CGGBP1: variants seen among roughly 807,000 people sequenced by gnomAD.
CGGBP1 encodes the protein CGG triplet repeat-binding protein 1.
In CGGBP1, 4 loss-of-function variants were observed where a neutral mutation model predicts 11.4. That is an observed-to-expected ratio of 0.35 (90% CI 0.17 to 0.80). The LOEUF is 0.80. Among genes scored for constraint, CGGBP1 ranks in the 30% least tolerant of loss-of-function variants. CGGBP1 has a pLI of 0.52. For missense variants in CGGBP1, 135 were observed against 202.1 expected (o/e 0.67, Z 2.01); for synonymous variants, 76 against 74.1 (o/e 1.03, Z -0.13).
chr3:88,059,597 C>T (rs749789483), upstream of CGGBP1: 71 of 1,415,838 alleles, frequency 5.0e-5, no homozygotes, highest in Admixed American at 1.2e-4. Context: ...TGGTCTATGT[C>T]CAGTGCCCGC....
intron 2 of CGGBP1, among the ~76,000 whole-genome samples, chr3:88,120,692 T>C (rs1705713297): frequency 6.6e-6 from 1 of 152,214 alleles, no homozygotes; most frequent in Admixed American, 6.5e-5. Context: ...ATATCCTCTT[T>C]ATGCGTATAT....
rs1708076811 is a variant in CGGBP1, at chr3:88,081,529, A to AT, written c.-228-23307dup. 2.0e-5 allele frequency among the ~76,000 whole-genome samples: 3 copies of AT among 152,316 alleles called. No individual in the cohort carries two copies. In the South Asian group the frequency reaches 6.2e-4, roughly 32 times the overall value. ...TTTCACTGTAAGAAACAGCTGTCTC[A>AT]TTGCTAACATTTATTTAATTATTTG... On this transcript the variant is annotated intron_variant, in intron 2 of 3. Coordinates refer to the CGGBP1 transcript ENST00000462901.
Position 88,094,033 on chromosome 3 carries a change from G to A in CGGBP1, c.-228-35810C>T, listed in dbSNP as rs113609658. On this transcript the variant is annotated intron_variant, in intron 2 of 3. Coordinates refer to the CGGBP1 transcript ENST00000462901. ...TAATCATTTGTGACATGTGAACTTA[G>A]TCATTTGAGAGAAAAATCTAGGTCG... is the stretch of plus-strand genomic sequence containing the variant. 2.5e-3 allele frequency among the ~76,000 whole-genome samples: 377 copies of A among 151,618 alleles called. 2 individuals carry two copies. Among genetic ancestry groups the A allele is most frequent in the African/African-American group, 8.7e-3 (362 of 41,376 alleles).
intron 3 of CGGBP1, chr3:88,056,513 A>T (rs892306611): frequency 2.4e-5 from 3 of 123,590 alleles, no homozygotes; most frequent in Non-Finnish European, 3.5e-5. Context: ...TAGTTTCCAA[A>T]ATTGTTCTGA....
At chr3:88,112,848 G>A (rs1705177705) in intron 2 of CGGBP1, among the ~76,000 whole-genome samples, 4 of 151,890 alleles carry the variant, frequency 2.6e-5, no homozygotes, top group Non-Finnish European at 5.9e-5. Flanking sequence ...AAATTGTATT[G>A]CATTGTGGTC....
chr3:88,140,085 C>G (rs1707028443), intron 2 of CGGBP1: 2 of 1,613,822 alleles, frequency 1.2e-6, no homozygotes, highest in Admixed American at 1.7e-5. Context: ...TATAGACCAC[C>G]TTAATAGACA....
chr3:88,140,992 C>G, exon 2 of CGGBP1: 10 of 1,612,516 alleles, frequency 6.2e-6, no homozygotes, highest in Non-Finnish European at 8.5e-6. Context: ...GCACTTGAGG[C>G]TCATCTTGCA....
chr3:88,136,062 TATC>T (rs1181953818), intron 2 of CGGBP1, among the ~76,000 whole-genome samples: 1 of 152,178 alleles, frequency 6.6e-6, no homozygotes, highest in African/African-American at 2.4e-5. Context: ...AATAGTGAAA[TATC>T]ATTCAAATGC....
intron 2 of CGGBP1, chr3:88,139,924 G>A: frequency 6.2e-7 from 1 of 1,613,606 alleles, no homozygotes; most frequent in Non-Finnish European, 8.5e-7. Context: ...CCTGCTCTTG[G>A]TTGTGTCCGG....
chr3:88,107,710 T>C (rs1484700121), intron 2 of CGGBP1, among the ~76,000 whole-genome samples: 2 of 152,164 alleles, frequency 1.3e-5, no homozygotes, highest in Non-Finnish European at 2.9e-5. Context: ...TTTCAGATTT[T>C]TTCAGTGTAC....
upstream of CGGBP1, among the ~76,000 whole-genome samples, chr3:88,059,995 A>G (rs1430509478): frequency 6.6e-6 from 1 of 151,262 alleles, no homozygotes; most frequent in Non-Finnish European, 1.5e-5. Context: ...CCCCTCTTCT[A>G]GGGTCTCCTG....
chr3:88,122,883 G>T (rs935491844), intron 2 of CGGBP1, among the ~76,000 whole-genome samples: 1 of 151,538 alleles, frequency 6.6e-6, no homozygotes, highest in Non-Finnish European at 1.5e-5. Flanking sequence ...GGTGGTGGGC[G>T]CCTGTAATCT....
At chr3:88,071,446 C>T (rs928531233) in intron 2 of CGGBP1, among the ~76,000 whole-genome samples, 2 of 152,124 alleles carry the variant, frequency 1.3e-5, no homozygotes, top group East Asian at 1.9e-4. Flanking sequence ...AGATCGAGAC[C>T]GTCCTGGCTA....
At chr3:88,082,187 T>G (rs894389844) in intron 2 of CGGBP1, among the ~76,000 whole-genome samples, 9 of 151,432 alleles carry the variant, frequency 5.9e-5, no homozygotes, top group African/African-American at 1.9e-4. Flanking sequence ...AGTGCAGTGG[T>G]GCAATCTTGG....
chr3:88,141,573 A>G (rs1576360922), intron 1 of CGGBP1: 2 of 1,185,902 alleles, frequency 1.7e-6, no homozygotes, highest in East Asian at 5.3e-5. Flanking sequence ...TATAAATTAA[A>G]CAGGAATCTG....
At chr3:88,101,934 T>C (rs1028983102) in intron 2 of CGGBP1, among the ~76,000 whole-genome samples, 13 of 152,176 alleles carry the variant, frequency 8.5e-5, no homozygotes, top group African/African-American at 3.1e-4. Flanking sequence ...TTTTGTATGC[T>C]TTGCTATTTT....
At chr3:88,146,891 T>C (rs1707322811) in intron 1 of CGGBP1, among the ~76,000 whole-genome samples, 1 of 152,166 alleles carries the variant, frequency 6.6e-6, no homozygotes, top group African/African-American at 2.4e-5. Flanking sequence ...CTTGTAATCA[T>C]CCCTGACTCT....
chr3:88,059,555 T>C (rs1224246127), upstream of CGGBP1: 1 of 1,448,112 alleles, frequency 6.9e-7, no homozygotes, highest in East Asian at 2.5e-5. Context: ...CCTGGGCCTC[T>C]CTGCGTCTCC....
At position 88,054,177 on chromosome 3, in the gene CGGBP1, T is replaced by C. The variant is rs186427392; in HGVS notation, c.*1296A>G. The C allele has an allele frequency of 5.9e-5, 9 of 152,754 alleles. No individual in the cohort carries two copies. The East Asian group carries it at 1.7e-3, about 29-fold the overall frequency. 9.5% of individuals were successfully genotyped at this position (152,754 alleles called of 1,614,324 possible). On this transcript the variant is annotated 3_prime_UTR_variant, in exon 4 of 4. Transcript: ENST00000482016. ...TTTGTAATAGAAATATATAAGTATTTTTAACTTGAATTTCAAAGAATTTAA... is the reference window on the plus strand; with the variant it reads ...TTTGTAATAGAAATATATAAGTATTCTTAACTTGAATTTCAAAGAATTTAA...
Sources: gnomAD v4.1 joint callset for allele counts (sites outside exome capture counted in the v4.1 genomes callset) on GRCh38, gnomAD v4.1.1 for gene constraint, MANE v1.5 for transcripts, NCBI Gene and HGNC (gene_info 2026-07-23, HGNC 2026-07-21) for gene names.